The following PRSS55 variants were observed in gnomAD, a reference collection of about 807,000 sequenced individuals.
The protein encoded by PRSS55 is probable serine protease UNQ9391/PRO34284.
PRSS55 carries 41 observed loss-of-function variants against 23.6 expected under a neutral mutation model. That is an observed-to-expected ratio of 1.74 (90% CI 1.35 to 2.26). PRSS55 has a LOEUF of 2.26. Ranked by LOEUF, PRSS55 falls within the 30% of genes most tolerant of loss-of-function variation. PRSS55 has a pLI of 0.00. For synonymous variants in PRSS55, 262 were observed against 175.5 expected (o/e 1.49, Z -3.90); for missense variants, 669 against 439.1 (o/e 1.52, Z -4.68).
Position 10,538,626 on chromosome 8 carries a change from G to GAAC in PRSS55, c.892_893insAAC (p.Val298delinsGluLeu). The GAAC allele has an allele frequency of 6.2e-7, 1 of 1,614,176 alleles. No homozygotes were observed. Among genetic ancestry groups the GAAC allele is most frequent in the Non-Finnish European group, 8.5e-7 (1 of 1,180,018 alleles). On this transcript the variant is annotated protein_altering_variant, in exon 5 of 5. Coordinates refer to ENST00000328655, the MANE Select transcript of PRSS55 (RefSeq NM_198464.4). ...GAACTACAACCTCTGGATCGAGAAAGTGACCCAGCTAGAGGGCAGGCCCTT... is the reference window on the plus strand; with the variant it reads ...GAACTACAACCTCTGGATCGAGAAAGAACTGACCCAGCTAGAGGGCAGGCCCTT...
chr8:10,542,713 C>CA (rs71538081), downstream of PRSS55, among the ~76,000 whole-genome samples: 28,030 of 147,894 alleles, frequency 0.19, 2,830 homozygotes, highest in East Asian at 0.34. Context: ...ACTAAAAATA[C>CA]AAAAAAAAAA....
chr8:10,529,153 T>C (rs564059684), intron 1 of PRSS55, among the ~76,000 whole-genome samples: 11 of 152,320 alleles, frequency 7.2e-5, no homozygotes, highest in African/African-American at 1.4e-4. Flanking sequence ...TTGGGGGCTA[T>C]TGTCCTGCCC....
intron 4 of PRSS55, among the ~76,000 whole-genome samples, chr8:10,548,808 T>C (rs558192210): frequency 6.6e-6 from 1 of 152,088 alleles, no homozygotes; most frequent in South Asian, 2.1e-4. Flanking sequence ...ACACATCCAC[T>C]CAAAAGCCTT....
Position 10,545,055 on chromosome 8 carries a change from C to T in PRSS55, c.742-8888C>T. 9.2e-6 allele frequency: 9 copies of T among 980,860 alleles called. No homozygotes were observed. The South Asian group carries it at 4.2e-4, about 46-fold the overall frequency. The allele number at this position is 980,860 out of a possible 1,614,324, so 60.8% of individuals were successfully genotyped here. ...CCTGCACCTGTGCTTCTCAGACCAT[C>T]TGTGAGGAAAAAGACCAGGGCTTTT... is the stretch of plus-strand genomic sequence containing the variant. On this transcript the variant is annotated intron_variant, in intron 4 of 4. Transcript: ENST00000522210.
intron 4 of PRSS55, among the ~76,000 whole-genome samples, chr8:10,548,229 C>G (rs1041941780): frequency 1.3e-5 from 2 of 152,094 alleles, no homozygotes; most frequent in African/African-American, 4.8e-5. Flanking sequence ...GGGTGCAGTT[C>G]CCAGATGTCG....
downstream of PRSS55, among the ~76,000 whole-genome samples, chr8:10,543,024 T>G (rs1218713438): frequency 6.6e-6 from 1 of 152,164 alleles, no homozygotes; most frequent in Non-Finnish European, 1.5e-5. Flanking sequence ...AAGTTTCTGA[T>G]GTCACCTTTC....
At position 10,531,525 on chromosome 8, in the gene PRSS55, G is replaced by T. The variant is rs1812265882; in HGVS notation, c.578G>T (p.Gly193Val). 6.2e-7 allele frequency: 1 copy of T among 1,613,704 alleles called. No individual in the cohort carries two copies. Among genetic ancestry groups the T allele is most frequent in the Non-Finnish European group, 8.5e-7 (1 of 1,180,048 alleles). The change falls in exon 3 of 5, where the codon GGT becomes GTT. Residue 193 changes from glycine to valine, a missense_variant. Transcript: ENST00000328655. ...ACATGGCGCGAATGCTGGGTGGCAGGTTGGGGCCAGACCAATGCTGGTATG... is the reference window on the plus strand; with the variant it reads ...ACATGGCGCGAATGCTGGGTGGCAGTTTGGGGCCAGACCAATGCTGGTATG... Reference protein sequence around the residue: ...PATWRECWVAGWGQTNAADKN... With the variant: ...PATWRECWVAVWGQTNAADKN...
intron 4 of PRSS55, among the ~76,000 whole-genome samples, chr8:10,536,454 C>T (rs992029879): frequency 2.6e-5 from 4 of 152,132 alleles, no homozygotes; most frequent in Admixed American, 1.3e-4. Flanking sequence ...AAAAGCAGTT[C>T]GTAGATTTCT....
At chr8:10,526,756 G>C (rs1585862797) in intron 1 of PRSS55, among the ~76,000 whole-genome samples, 1 of 152,226 alleles carries the variant, frequency 6.6e-6, no homozygotes, top group Non-Finnish European at 1.5e-5. Flanking sequence ...GTTGACTTTG[G>C]TGCAAGCACT....
intron 3 of PRSS55, 34 bp from the exon 4 acceptor site, chr8:10,532,872 G>C (rs775612385): frequency 1.2e-6 from 2 of 1,613,570 alleles, no homozygotes; most frequent in Admixed American, 3.3e-5. Flanking sequence ...ATGAGGCCCA[G>C]TGGCTTCTCT....
intron 1 of PRSS55, among the ~76,000 whole-genome samples, chr8:10,527,859 G>T (rs77828131): frequency 5.3e-5 from 8 of 152,246 alleles, no homozygotes; most frequent in African/African-American, 9.6e-5. Context: ...GCTTGCAACA[G>T]TGCCTGACGC....
downstream of PRSS55, among the ~76,000 whole-genome samples, chr8:10,543,036 C>G (rs1416290982): frequency 2.6e-5 from 4 of 152,144 alleles, no homozygotes; most frequent in Non-Finnish European, 5.9e-5. Flanking sequence ...TCACCTTTCT[C>G]AAGATCCATT....
chr8:10,550,487 G>A (rs1302879104), intron 4 of PRSS55, among the ~76,000 whole-genome samples: 1 of 152,148 alleles, frequency 6.6e-6, no homozygotes, highest in Admixed American at 6.5e-5. Context: ...AAGAATTTCT[G>A]GGACCCTTGA....
At chr8:10,545,990 C>G (rs998729667) in intron 4 of PRSS55, among the ~76,000 whole-genome samples, 3 of 152,102 alleles carry the variant, frequency 2.0e-5, no homozygotes, top group Non-Finnish European at 2.9e-5. Flanking sequence ...CTCAGATTAC[C>G]CTGAGGCTCA....
rs539820767 is a variant in PRSS55 at position 10,531,049 on chromosome 8, A to G, written c.348-246A>G. Among the ~76,000 whole-genome samples the G allele has an allele frequency of 2.0e-5, 3 of 152,236 alleles. No individual in the cohort carries two copies. The East Asian group carries it at 5.8e-4, about 29-fold the overall frequency. On this transcript the variant is annotated intron_variant, in intron 2 of 4. Transcript: ENST00000328655. ...TATTAGACAGAAGCACCTCATTCAT[A>G]TCCCTGGGGCCCCTGATGGTGCAGT...
rs767116136 is a variant in PRSS55, at chr8:10,532,928, G to A, written c.621G>A (p.Thr207=). 1.8e-5 allele frequency: 29 copies of A among 1,614,040 alleles called. No homozygotes were observed. The highest frequency in any genetic ancestry group is 3.3e-4 in the Middle Eastern group (2 of 6,084). ...CAGCTGACAAAAACTCTGTGAAAAC[G>A]GATCTGATGAAAGCGCCAATGGTCA... ...TNAADKNSVK[T]DLMKAPMVIM... The change falls in exon 4 of 5, where the codon ACG becomes ACA. Residue 207 remains threonine, a synonymous_variant. Transcript: ENST00000328655.
chr8:10,535,568 C>T (rs1292414984), intron 4 of PRSS55, among the ~76,000 whole-genome samples: 3 of 152,128 alleles, frequency 2.0e-5, no homozygotes, highest in Non-Finnish European at 4.4e-5. Context: ...GAAATCAATG[C>T]GAGTTGGATA....
At chr8:10,543,423 T>TCTTCCTTCCTTCCTTCCTTCCTTCCTTC (rs71203335), downstream of PRSS55, among the ~76,000 whole-genome samples, 145 of 71,558 alleles carry the variant, frequency 2.0e-3, 5 homozygotes, top group East Asian at 0.056. Flanking sequence ...CTTCTTTCTT[T>TCTTCCTTCCTTCCTTCCTTCCTTCCTTC]CTTCCTTCCT....
At chr8:10,542,698 T>A (rs1812691976), downstream of PRSS55, among the ~76,000 whole-genome samples, 1 of 148,614 alleles carries the variant, frequency 6.7e-6, no homozygotes, top group Admixed American at 7.0e-5. Context: ...TGAAACCCCA[T>A]CTCAACTAAA....
Sources: gnomAD v4.1 joint callset for allele counts (sites outside exome capture counted in the v4.1 genomes callset) on GRCh38, gnomAD v4.1.1 for gene constraint, MANE v1.5 for transcripts, NCBI Gene and HGNC (gene_info 2026-07-23, HGNC 2026-07-21) for gene names.